LPIN1: variants seen among roughly 807,000 people sequenced by gnomAD.
The protein encoded by LPIN1 is phosphatidate phosphatase LPIN1.
Under a neutral mutation model 107.5 loss-of-function variants are expected in LPIN1, and 71 were observed. The ratio of observed to expected loss-of-function variants is 0.66; its 90% CI spans 0.55 to 0.80. The LOEUF (loss-of-function observed/expected upper bound fraction) is 0.80. LPIN1 is among the 30% of genes least tolerant of loss of function. LPIN1 has a pLI of 0.00. For synonymous variants in LPIN1, 445 were observed against 452.6 expected (o/e 0.98, Z 0.21); for missense variants, 1,043 against 1,160.6 (o/e 0.90, Z 1.47).
intron 17 of LPIN1, among the ~76,000 whole-genome samples, chr2:11,807,613 A>C (rs925326308): frequency 3.3e-5 from 5 of 151,102 alleles, no homozygotes; most frequent in Non-Finnish European, 7.4e-5. Flanking sequence ...ACCCCTGACC[A>C]TTCTTTTCTT....
chr2:11,795,335 TG>T, intron 13 of LPIN1, 72 bp from the exon 14 acceptor site: 1 of 1,281,334 alleles, frequency 7.8e-7, no homozygotes, highest in Non-Finnish European at 1.1e-6. Flanking sequence ...AGGAAGCCCA[TG>T]GGAAAACACC....
chr2:11,815,687 C>A (rs1680461940), intron 18 of LPIN1, among the ~76,000 whole-genome samples: 1 of 152,028 alleles, frequency 6.6e-6, no homozygotes. Context: ...CCTTAAGTGG[C>A]CTGTCTGCGA....
intron 18 of LPIN1, chr2:11,818,371 GCTGTAAAGGT>G (rs1680949043): frequency 6.6e-6 from 1 of 152,198 alleles, no homozygotes; most frequent in South Asian, 2.1e-4. Context: ...TATAATTTTA[GCTGTAAAGGT>G]CTGGCACATC....
intron 1 of LPIN1, among the ~76,000 whole-genome samples, chr2:11,732,037 C>T (rs766715037): frequency 4.1e-4 from 62 of 152,166 alleles, no homozygotes; most frequent in Admixed American, 6.5e-4. Flanking sequence ...CCTGTTCACT[C>T]TGATGTTAGT....
chr2:11,821,005 C>T (rs887858573), intron 20 of LPIN1, among the ~76,000 whole-genome samples: 1 of 152,170 alleles, frequency 6.6e-6, no homozygotes, highest in African/African-American at 2.4e-5. Flanking sequence ...TGGGATTACT[C>T]TTTCTAATGA....
In LPIN1 at chr2:11,787,392, C is replaced by CTTTTTTTTTTTTTT. The variant is rs1219054361; in HGVS notation, c.1643+230_1643+231insTTTTTTTTTTTTTT. Among the ~76,000 whole-genome samples the CTTTTTTTTTTTTTT allele has an allele frequency of 1.4e-4, 16 of 113,692 alleles. 3 individuals carry two copies. Among genetic ancestry groups the CTTTTTTTTTTTTTT allele is most frequent in the African/African-American group, 5.4e-4 (14 of 26,076 alleles). 74.6% of individuals were successfully genotyped at this position (113,692 alleles called of 152,430 possible). ...AGTCTTGTGAGTTTTCTTTTCTTTT[C>CTTTTTTTTTTTTTT]TTTTTCTTTTTTTTTTTTTTTTTTT... On this transcript the variant is annotated intron_variant, in intron 11 of 20. Transcript: ENST00000674199.
intron 2 of LPIN1, chr2:11,767,544 A>G (rs1671117321): frequency 1.7e-6 from 1 of 589,946 alleles, no homozygotes; most frequent in South Asian, 2.0e-5. Context: ...TTTGGGTTCC[A>G]TCTTTCCTGG....
chr2:11,791,983 G>A lies in LPIN1; in HGVS notation c.1783G>A (p.Gly595Arg). 6.2e-7 allele frequency: 1 copy of A among 1,613,902 alleles called. No homozygotes were observed. Among genetic ancestry groups the A allele is most frequent in the Non-Finnish European group, 8.5e-7 (1 of 1,179,844 alleles). Residue 595 changes from glycine to arginine, a missense_variant, in exon 13 of 21, where the codon GGA (glycine) becomes AGA (arginine). Physicochemically the swap from Gly to Arg is moderately radical, Grantham distance 125. Transcript: ENST00000674199. ...AGGAAGATGGTGGTTTTCATGGAGG[G>A]GAAGAAACACCACAATCAAGGAGGT... ...KGGRWWFSWR[G>R]RNTTIKEESK...
chr2:11,736,777 T>C (rs1665833109), intron 1 of LPIN1, among the ~76,000 whole-genome samples: 1 of 152,230 alleles, frequency 6.6e-6, no homozygotes, highest in Non-Finnish European at 1.5e-5. Flanking sequence ...ATCTATTCTC[T>C]TAGATTTGCC....
intron 1 of LPIN1, among the ~76,000 whole-genome samples, chr2:11,688,291 C>G (rs1204142038): frequency 6.6e-6 from 1 of 152,202 alleles, no homozygotes. Context: ...GCTCCACCCT[C>G]CCTCTCCCCA....
In LPIN1 at chr2:11,786,972, ACT is replaced by A; in HGVS notation, c.1550-98_1550-97del. The A allele has an allele frequency of 1.2e-6, 1 of 810,224 alleles. No individual in the cohort carries two copies. The highest frequency in any genetic ancestry group is 1.4e-5 in the South Asian group (1 of 72,634). 50.2% of individuals were successfully genotyped at this position (810,224 alleles called of 1,614,324 possible). ...TTGTCTGCACAGTTGGAATGCACAAACTCTCAGAAAACACTTGTGAGTGAGCA... is the reference window on the plus strand; with the variant it reads ...TTGTCTGCACAGTTGGAATGCACAAACTCAGAAAACACTTGTGAGTGAGCA... On this transcript the variant is annotated intron_variant, in intron 10 of 20. Coordinates refer to ENST00000674199, the MANE Select transcript of LPIN1 (RefSeq NM_001349206.2). This position sits in a 1 kb window ranked among gnomAD's most constrained non-coding sequence, Gnocchi z 4.1.
chr2:11,806,029 CAGTT>C (rs1239463894), intron 17 of LPIN1, among the ~76,000 whole-genome samples: 1 of 152,208 alleles, frequency 6.6e-6, no homozygotes, highest in Non-Finnish European at 1.5e-5. Context: ...GTTCTCCAGC[CAGTT>C]AGAGCTGGAA....
rs61732581 is a variant in LPIN1, at chr2:11,815,196, G to C, written c.2358G>C (p.Gly786=). ...VNERGTVLPQ[G]PLLLSPSSLF... is the part of the protein sequence containing the mutation. ...AGAGGGGCACGGTGCTGCCCCAGGG[G>C]CCCCTGCTGCTGAGTCCCAGCAGCC... Residue 786 remains glycine, a synonymous_variant, in exon 18 of 21, where the codon GGG becomes GGC. Coordinates refer to ENST00000674199, the MANE Select transcript of LPIN1 (RefSeq NM_001349206.2). The C allele has an allele frequency of 9.2e-3, 14,826 of 1,614,106 alleles. 903 individuals carry two copies. In the African/African-American group the frequency reaches 0.15, roughly 16 times the overall value.
chr2:11,802,707 C>T (rs1677967218), intron 14 of LPIN1, among the ~76,000 whole-genome samples, 200 bp from the exon 15 acceptor site: 1 of 152,086 alleles, frequency 6.6e-6, no homozygotes, highest in African/African-American at 2.4e-5. Flanking sequence ...GCAGCCCCCA[C>T]ACGTGTAATG....
intron 2 of LPIN1, among the ~76,000 whole-genome samples, chr2:11,715,435 G>A (rs748445234): frequency 5.3e-5 from 8 of 152,196 alleles, no homozygotes; most frequent in Admixed American, 6.5e-5. Context: ...GAAAGCGTCC[G>A]CCATCCATGG....
At chr2:11,722,128 G>C (rs1308255505), upstream of LPIN1, 3 of 152,230 alleles carry the variant, frequency 2.0e-5, no homozygotes, top group Admixed American at 2.0e-4. Context: ...TCATGTTCAA[G>C]ACCCCTCCAC....
At chr2:11,804,653 C>T (rs1334867266) in intron 16 of LPIN1, 82 bp downstream of exon 16, 2 of 1,444,598 alleles carry the variant, frequency 1.4e-6, no homozygotes, top group African/African-American at 1.4e-5. Context: ...GGCACCTCTG[C>T]TCTCCTCATG....
chr2:11,737,229 T>C (rs1171606999), intron 1 of LPIN1, among the ~76,000 whole-genome samples: 1 of 152,048 alleles, frequency 6.6e-6, no homozygotes, highest in East Asian at 1.9e-4. Flanking sequence ...ATACAAAAAT[T>C]AACTCAAGAA....
At chr2:11,691,151 A>T (rs537835498) in intron 1 of LPIN1, among the ~76,000 whole-genome samples, 1 of 149,582 alleles carries the variant, frequency 6.7e-6, no homozygotes, top group Non-Finnish European at 1.5e-5. Flanking sequence ...GTTCTCTAGC[A>T]ACAAGGCTGG....
Sources: allele counts gnomAD v4.1 joint callset (sites outside exome capture counted in the v4.1 genomes callset), GRCh38; gene constraint gnomAD v4.1.1; non-coding constraint Gnocchi (gnomAD v3.1); transcripts MANE v1.5; gene names NCBI Gene and HGNC (gene_info 2026-07-23, HGNC 2026-07-21).